Variants in CSE1L observed in about 807,000 individuals in gnomAD.
CSE1L encodes the protein chromosome segregation 1 like.
Under a neutral mutation model 120.4 loss-of-function variants are expected in CSE1L, and 24 were observed. The ratio of observed to expected loss-of-function variants is 0.20; its 90% CI spans 0.14 to 0.28. The LOEUF (loss-of-function observed/expected upper bound fraction) is 0.28. Ranked by LOEUF, CSE1L falls within the 10% of genes least tolerant of loss-of-function variation. CSE1L has a pLI of 1.00. For synonymous variants in CSE1L, 402 were observed against 398.3 expected (o/e 1.01, Z -0.11); for missense variants, 830 against 1,145.2 (o/e 0.72, Z 3.97).
At chr20:49,081,684 G>A (rs1357942464) in intron 14 of CSE1L, among the ~76,000 whole-genome samples, 1 of 152,036 alleles carries the variant, frequency 6.6e-6, no homozygotes, top group Non-Finnish European at 1.5e-5. Context: ...CTGATTATTG[G>A]TCTTAATTTT....
At chr20:49,092,862 G>A (rs185276821) in intron 22 of CSE1L, among the ~76,000 whole-genome samples, 66 of 149,546 alleles carry the variant, frequency 4.4e-4, no homozygotes, top group African/African-American at 1.6e-3. Flanking sequence ...TTAAAAAATC[G>A]TGCTAATCCA....
chr20:49,051,479 A>G (rs1568759843), intron 1 of CSE1L, among the ~76,000 whole-genome samples: 1 of 152,066 alleles, frequency 6.6e-6, no homozygotes, highest in Non-Finnish European at 1.5e-5. Flanking sequence ...GGAGGCGGGG[A>G]CTGCGGTGAG....
chr20:49,050,311 C>T lies in CSE1L; in HGVS notation c.-12+3888C>T, dbSNP rs200282479. On this transcript the variant is annotated intron_variant, in intron 1 of 24. Transcript: ENST00000262982. ...TCAGCTTATTGCAGCCTAGACCTCC[C>T]GGGCTCAAGCAATCCTCCTGCCTCA... 1.1e-4 allele frequency among the ~76,000 whole-genome samples: 17 copies of T among 151,232 alleles called. 1 individual carries two copies. The highest frequency in any genetic ancestry group is 8.3e-4 in the South Asian group (4 of 4,798).
chr20:49,089,808 A>G, intron 19 of CSE1L, 62 bp downstream of exon 19: 1 of 1,468,058 alleles, frequency 6.8e-7, no homozygotes, highest in African/African-American at 1.4e-5. Context: ...TGGGGATGGC[A>G]GATGTTTGAA....
chr20:49,095,232 T>A (rs999858272), intron 24 of CSE1L: 1 of 499,342 alleles, frequency 2.0e-6, no homozygotes, highest in Non-Finnish European at 3.6e-6. Context: ...GGCTGTATAG[T>A]TGCATTTTGT....
intron 1 of CSE1L, among the ~76,000 whole-genome samples, chr20:49,055,836 T>C (rs747401291): frequency 2.6e-5 from 4 of 152,268 alleles, no homozygotes; most frequent in Admixed American, 6.5e-5. Flanking sequence ...CGAGATGTTA[T>C]CACTGTTCTA....
chr20:49,060,623 A>G (rs909094070), intron 2 of CSE1L, among the ~76,000 whole-genome samples: 16 of 152,042 alleles, frequency 1.1e-4, no homozygotes, highest in African/African-American at 3.4e-4. Flanking sequence ...TAAAAATACA[A>G]ACATTAGCCA....
At chr20:49,050,045 G>A (rs1389500932) in intron 1 of CSE1L, among the ~76,000 whole-genome samples, 2 of 152,048 alleles carry the variant, frequency 1.3e-5, no homozygotes, top group African/African-American at 2.4e-5. Context: ...AGAGTATTAA[G>A]ATTCTGGGAT....
Position 49,089,395 on chromosome 20 carries a change from A to C in CSE1L, c.1970A>C (p.Gln657Pro). The change falls in exon 18 of 25, where the codon CAA becomes CCA. Residue 657 changes from glutamine to proline, a missense_variant and splice_region_variant. By Grantham distance (76) the Gln-to-Pro change is moderately conservative. Around this residue, in one of 4 missense-constraint regions of CSE1L, gnomAD observed 168 missense variants for 267.9 expected, o/e 0.63. Coordinates refer to ENST00000262982, the MANE Select transcript of CSE1L (RefSeq NM_001316.4). ...ACTGAAATCTTACAAAATGATGTGC[A>C]AGGTAAGTTAACGGAAATTATTTTC... ...VFTEILQNDV[Q>P]EFIPYVFQVM... The C allele has an allele frequency of 2.5e-6, 4 of 1,607,072 alleles. No homozygotes were observed. The highest frequency in any genetic ancestry group is 3.4e-6 in the Non-Finnish European group (4 of 1,178,290).
At chr20:49,065,785 G>T (rs2091888052) in intron 3 of CSE1L, among the ~76,000 whole-genome samples, 1 of 151,562 alleles carries the variant, frequency 6.6e-6, no homozygotes, top group Non-Finnish European at 1.5e-5. Context: ...GTAGAGACAT[G>T]GTTTCACCAT....
At chr20:49,088,345 A>G (rs551426278) in intron 17 of CSE1L, among the ~76,000 whole-genome samples, 4 of 152,192 alleles carry the variant, frequency 2.6e-5, no homozygotes, top group Non-Finnish European at 5.9e-5. Flanking sequence ...CAAAAGTAAC[A>G]TGTTTATTGT....
chr20:49,061,921 C>G (rs890289688), intron 2 of CSE1L, among the ~76,000 whole-genome samples: 4 of 152,008 alleles, frequency 2.6e-5, no homozygotes, highest in Non-Finnish European at 5.9e-5. Context: ...TCTCAGGGAT[C>G]GAGACTGACT....
In CSE1L at chr20:49,072,487, C is replaced by T. The variant is rs1375446542; in HGVS notation, c.936+34C>T. 3.1e-6 allele frequency: 5 copies of T among 1,609,396 alleles called. No individual in the cohort carries two copies. In the South Asian group the frequency reaches 5.5e-5, roughly 18 times the overall value. On this transcript the variant is annotated intron_variant, in intron 9 of 24. Transcript: ENST00000262982. ...ATGGTGGAGACAAATAATTAAAAGA[C>T]ATTCTCTCCCTATCTCCTCCAAGAA...
intron 1 of CSE1L, among the ~76,000 whole-genome samples, chr20:49,053,250 CA>C (rs1267933745): frequency 1.3e-5 from 2 of 150,516 alleles, no homozygotes; most frequent in Admixed American, 6.6e-5. Flanking sequence ...CATGAATCCC[CA>C]AAGGTAGAAT....
In CSE1L at chr20:49,090,931, C is replaced by A. The variant is rs755195826; in HGVS notation, c.2280-6C>A. ...TTTATATTGTTGATTTTTTTTAATT[C>A]TTTAGTGAATCAGTTGACCAATATA... is the stretch of plus-strand genomic sequence containing the variant. On this transcript the variant is annotated splice_polypyrimidine_tract_variant and splice_region_variant and intron_variant, in intron 20 of 24. Coordinates refer to ENST00000262982, the MANE Select transcript of CSE1L (RefSeq NM_001316.4). 1 of 1,600,164 alleles carries A rather than the reference C, an allele frequency of 6.2e-7. No individual in the cohort carries two copies. The highest frequency in any genetic ancestry group is 1.1e-5 in the South Asian group (1 of 88,906).
chr20:49,057,318 T>G (rs2091816555), intron 1 of CSE1L, among the ~76,000 whole-genome samples: 2 of 152,204 alleles, frequency 1.3e-5, no homozygotes, highest in African/African-American at 2.4e-5. Context: ...TTTATCTCCC[T>G]AGATGCAAAT....
intron 3 of CSE1L, among the ~76,000 whole-genome samples, chr20:49,063,888 C>G (rs2091870748): frequency 6.6e-6 from 1 of 152,066 alleles, no homozygotes. Flanking sequence ...TGCCCTATGT[C>G]TTGTGGGATA....
chr20:49,067,031 CAAAAAA>C (rs60161542), intron 5 of CSE1L, among the ~76,000 whole-genome samples, 153 bp from the exon 6 acceptor site: 28 of 100,804 alleles, frequency 2.8e-4, no homozygotes, highest in South Asian at 6.5e-4. Flanking sequence ...GACTCCGTCT[CAAAAAA>C]AAAAAAAAAA....
In CSE1L at chr20:49,046,374, G is replaced by C. The variant is rs2091710142; in HGVS notation, c.-61G>C. 1 of 152,612 alleles carries C rather than the reference G, an allele frequency of 6.6e-6. No individual in the cohort carries two copies. Among genetic ancestry groups the C allele is most frequent in the African/African-American group, 2.4e-5 (1 of 41,492 alleles). The allele number at this position is 152,612 out of a possible 1,614,324, so 9.5% of individuals were successfully genotyped here. A position where few individuals can be genotyped will look rare whatever the true frequency, so the allele number is the denominator to read the frequency against. ...GCGGCGGCAGGAGCGGGTAGTGCCA[G>C]CTACGGTCCGCGGCTGGGGTTCCCT... On this transcript the variant is annotated 5_prime_UTR_variant, in exon 1 of 25. Coordinates refer to ENST00000262982, the MANE Select transcript of CSE1L (RefSeq NM_001316.4).
Sources: gnomAD v4.1 joint callset for allele counts (sites outside exome capture counted in the v4.1 genomes callset) on GRCh38, gnomAD v4.1.1 for gene constraint, gnomAD v4.1.1 regional missense constraint, MANE v1.5 for transcripts, NCBI Gene and HGNC (gene_info 2026-07-23, HGNC 2026-07-21) for gene names.